SPTSSB: variants seen among roughly 807,000 people sequenced by gnomAD.
SPTSSB encodes serine palmitoyltransferase small subunit B.
Under a neutral mutation model 7.7 loss-of-function variants are expected in SPTSSB, and 6 were observed. That is an observed-to-expected ratio of 0.78 (90% CI 0.43 to 1.54). SPTSSB has a LOEUF of 1.54. Ranked by LOEUF, SPTSSB falls within the 40% of genes most tolerant of loss-of-function variation. SPTSSB has a pLI of 0.01. For missense variants in SPTSSB, 91 were observed against 93.0 expected (o/e 0.98, Z 0.09); for synonymous variants, 28 against 29.7 (o/e 0.94, Z 0.19).
At chr3:161,348,944 G>A (rs551390423) in intron 2 of SPTSSB, among the ~76,000 whole-genome samples, 3 of 152,092 alleles carry the variant, frequency 2.0e-5, no homozygotes, top group African/African-American at 7.2e-5. Context: ...ACTATTTTTA[G>A]GTTCTAGATT....
chr3:161,347,719 A>C (rs1198023393), intron 2 of SPTSSB, among the ~76,000 whole-genome samples: 4 of 151,980 alleles, frequency 2.6e-5, no homozygotes, highest in African/African-American at 9.7e-5. Context: ...TAAAAATACA[A>C]AAAATTAGCT....
rs778066804 is a variant in SPTSSB, at chr3:161,346,275, A to G, written c.49T>C (p.Tyr17His). The G allele has an allele frequency of 3.7e-6, 6 of 1,614,022 alleles. No individual in the cohort carries two copies. Among genetic ancestry groups the G allele is most frequent in the Non-Finnish European group, 4.2e-6 (5 of 1,179,902 alleles). Residue 17 changes from tyrosine (Y) to histidine (H), a missense_variant, in exon 3 of 3, where the codon TAC becomes CAC. Coordinates refer to ENST00000620149, the MANE Select transcript of SPTSSB (RefSeq NM_001040100.2). ...ACAGCACAGCAGCTAATGATTTGGT[A>G]TTGATAGTAGAGCCAGGAGAAATAT... Reference protein sequence around the residue: ...KEYFSWLYYQYQIISCCAVLE... With the variant: ...KEYFSWLYYQHQIISCCAVLE...
intron 1 of SPTSSB, among the ~76,000 whole-genome samples, chr3:161,370,336 A>C (rs910604358): frequency 1.3e-5 from 2 of 152,238 alleles, no homozygotes; most frequent in African/African-American, 4.8e-5. Flanking sequence ...TTATCATTAA[A>C]TAGTTGTAAA....
rs1442492318 is a variant in SPTSSB, at chr3:161,361,800, A to G, written c.-125-1906T>C. On this transcript the variant is annotated intron_variant, in intron 1 of 2. Coordinates refer to ENST00000620149, the MANE Select transcript of SPTSSB (RefSeq NM_001040100.2). ...ACTGAATCCTTCAGGGACATGTGAT[A>G]TAAGTGGGTGAAATGATAACTCCCA... 2.6e-5 allele frequency among the ~76,000 whole-genome samples: 4 copies of G among 152,148 alleles called. 1 individual carries two copies. In the Middle Eastern group the frequency reaches 9.5e-3, roughly 361 times the overall value.
chr3:161,366,769 A>T, intron 1 of SPTSSB, among the ~76,000 whole-genome samples: 1 of 152,300 alleles, frequency 6.6e-6, no homozygotes, highest in East Asian at 1.9e-4. Flanking sequence ...GTGTGCAATA[A>T]TTCATTTATC....
chr3:161,359,679 G>C, intron 2 of SPTSSB, 123 bp downstream of exon 2: 1 of 935,322 alleles, frequency 1.1e-6, no homozygotes, highest in Non-Finnish European at 1.3e-6. Flanking sequence ...ATAATATCTA[G>C]TGTATAATAA....
In SPTSSB at chr3:161,363,298, A is replaced by T. The variant is rs1715084790; in HGVS notation, c.-125-3404T>A. Among the ~76,000 whole-genome samples, 6 of 151,802 alleles carry T rather than the reference A, an allele frequency of 4.0e-5. No homozygotes were observed. The South Asian group carries it at 1.3e-3, about 32-fold the overall frequency. ...TATAATACATTTAAAAAATGTCTCT[A>T]GAAATAGTACAGTTAATCAGATTTT... is the stretch of plus-strand genomic sequence containing the variant. On this transcript the variant is annotated intron_variant, in intron 1 of 2. Transcript: ENST00000620149.
At chr3:161,364,498 G>A (rs914105454) in intron 1 of SPTSSB, among the ~76,000 whole-genome samples, 14 of 152,202 alleles carry the variant, frequency 9.2e-5, no homozygotes, top group African/African-American at 3.4e-4. Context: ...TCACAAGTTA[G>A]CTTTTCATCT....
chr3:161,369,018 T>G (rs1715341285), intron 1 of SPTSSB, among the ~76,000 whole-genome samples: 1 of 152,250 alleles, frequency 6.6e-6, no homozygotes, highest in Admixed American at 6.5e-5. Flanking sequence ...GTAATGCCAC[T>G]ATGAACATTT....
At chr3:161,349,782 G>A (rs1370736756) in intron 2 of SPTSSB, among the ~76,000 whole-genome samples, 2 of 152,208 alleles carry the variant, frequency 1.3e-5, no homozygotes, top group Non-Finnish European at 1.5e-5. Flanking sequence ...TAGCCTGAAT[G>A]TTTCTGTGTT....
chr3:161,348,068 A>G (rs1467376124), intron 2 of SPTSSB: 1 of 152,142 alleles, frequency 6.6e-6, no homozygotes, highest in Non-Finnish European at 1.5e-5. Context: ...GGACCATGTA[A>G]CAAACATGCA....
chr3:161,348,695 A>G (rs779055312), intron 2 of SPTSSB, among the ~76,000 whole-genome samples: 4 of 152,156 alleles, frequency 2.6e-5, no homozygotes, highest in Non-Finnish European at 5.9e-5. Flanking sequence ...TTAAGATTAA[A>G]AAAATTTTTT....
In SPTSSB at chr3:161,363,194, T is replaced by C. The variant is rs542924386; in HGVS notation, c.-125-3300A>G. Reference sequence around the variant, plus strand: ...AAATGTAAACTTTTTAGGAAAAACATTTCTTTATTTTAACTCTTAACCTCA... The same window carrying C: ...AAATGTAAACTTTTTAGGAAAAACACTTCTTTATTTTAACTCTTAACCTCA... On this transcript the variant is annotated intron_variant, in intron 1 of 2. Coordinates refer to ENST00000620149, the MANE Select transcript of SPTSSB (RefSeq NM_001040100.2). Among the ~76,000 whole-genome samples, 4 of 151,828 alleles carry C rather than the reference T, an allele frequency of 2.6e-5. No individual in the cohort carries two copies. In the South Asian group the frequency reaches 8.3e-4, roughly 32 times the overall value.
intron 1 of SPTSSB, 133 bp downstream of exon 1, chr3:161,371,302 T>C (rs1715499224): frequency 1.7e-6 from 1 of 583,910 alleles, no homozygotes; most frequent in Non-Finnish European, 2.2e-6. Context: ...TTCTGAAAAT[T>C]GTAATGCAGT....
At chr3:161,349,284 TAAG>T (rs1714411611) in intron 2 of SPTSSB, among the ~76,000 whole-genome samples, 1 of 152,152 alleles carries the variant, frequency 6.6e-6, no homozygotes, top group Non-Finnish European at 1.5e-5. Context: ...GGAAAAATGC[TAAG>T]AAGAAGGCTA....
chr3:161,362,786 A>C (rs953593606), intron 1 of SPTSSB, among the ~76,000 whole-genome samples: 24 of 152,198 alleles, frequency 1.6e-4, no homozygotes, highest in African/African-American at 5.3e-4. Flanking sequence ...TTGAGTAAGC[A>C]CTTTCTACGG....
intron 2 of SPTSSB, among the ~76,000 whole-genome samples, chr3:161,356,281 GT>G (rs1212145228): frequency 6.6e-6 from 1 of 152,198 alleles, no homozygotes; most frequent in Non-Finnish European, 1.5e-5. Flanking sequence ...CTTGCTTGAT[GT>G]TTTTTCTAAG....
At chr3:161,363,793 T>A (rs769653109) in intron 1 of SPTSSB, among the ~76,000 whole-genome samples, 1 of 152,166 alleles carries the variant, frequency 6.6e-6, no homozygotes, top group African/African-American at 2.4e-5. Flanking sequence ...ATCTTTCTAA[T>A]GATTGATTGC....
chr3:161,346,325 G>T lies in SPTSSB; in HGVS notation c.-2C>A. ...TTCCTTCACACGCCTCAAATCCATG[G>T]TTGGCTCCTTCAAGCTGCAGTAAGT... On this transcript the variant is annotated 5_prime_UTR_variant, in exon 3 of 3. Transcript: ENST00000620149. 1 of 1,601,462 alleles carries T rather than the reference G, an allele frequency of 6.2e-7. No homozygotes were observed. Among genetic ancestry groups the T allele is most frequent in the Non-Finnish European group, 8.6e-7 (1 of 1,168,672 alleles).
Sources: allele counts gnomAD v4.1 joint callset (sites outside exome capture counted in the v4.1 genomes callset), GRCh38; gene constraint gnomAD v4.1.1; transcripts MANE v1.5; gene names NCBI Gene and HGNC (gene_info 2026-07-23, HGNC 2026-07-21).